Variants in SLC30A7 observed in about 807,000 individuals in gnomAD.
SLC30A7 encodes the protein zinc transporter 7.
In SLC30A7, 35 loss-of-function variants were observed where a neutral mutation model predicts 46.0. That is an observed-to-expected ratio of 0.76 (90% CI 0.58 to 1.01). SLC30A7 has a LOEUF of 1.01. Ranked by LOEUF, SLC30A7 falls within the 50% of genes least tolerant of loss-of-function variation. SLC30A7 has a pLI of 0.00. For synonymous variants in SLC30A7, 147 were observed against 157.8 expected, an observed-to-expected ratio of 0.93 and a Z score of 0.51; for missense variants, 464 against 451.1, an observed-to-expected ratio of 1.03 and a Z score of -0.26.
intron 5 of SLC30A7, 94 bp downstream of exon 5, chr1:100,912,332 C>T: frequency 7.4e-7 from 1 of 1,356,406 alleles, no homozygotes; most frequent in Non-Finnish European, 1.0e-6. Context: ...ATACTGATTT[C>T]TGATGTCAAC....
rs1656784784 is a variant in SLC30A7 at position 100,979,439 on chromosome 1, A to T, written c.*4582A>T. On this transcript the variant is annotated 3_prime_UTR_variant, in exon 11 of 11. Transcript: ENST00000357650. ...ATACAGTGAAAGATTATGTATCCAA[A>T]AAAAAAAAAAAAAAAAAAAGAAAAG... is the stretch of plus-strand genomic sequence containing the variant. 9.1e-6 allele frequency: 1 copy of T among 109,980 alleles called. No individual in the cohort carries two copies. Among genetic ancestry groups the T allele is most frequent in the South Asian group, 2.4e-4 (1 of 4,178 alleles). 6.8% of individuals were successfully genotyped at this position (109,980 alleles called of 1,614,324 possible). A position where few individuals can be genotyped will look rare whatever the true frequency, so the allele number is the denominator to read the frequency against.
intron 8 of SLC30A7, among the ~76,000 whole-genome samples, 198 bp from the exon 9 acceptor site, chr1:100,961,630 T>C (rs1259610961): frequency 2.0e-5 from 3 of 152,244 alleles, no homozygotes; most frequent in Admixed American, 2.0e-4. Context: ...ATACATTTTC[T>C]CTAGCTCTTT....
At chr1:100,982,771 G>T (rs926268191), downstream of SLC30A7, among the ~76,000 whole-genome samples, 5 of 152,144 alleles carry the variant, frequency 3.3e-5, no homozygotes, top group Admixed American at 3.3e-4. Context: ...TTTTGTCCAG[G>T]TGCTTTTGAA....
At position 100,944,178 on chromosome 1, in the gene SLC30A7, A is replaced by G. The variant is rs371355274; in HGVS notation, c.843-17650A>G. ...ATCCTCCTACTTCAGCCTCCCAAGTAGCTAGGACTACAGGTGCACACCACC... is the reference window on the plus strand; with the variant it reads ...ATCCTCCTACTTCAGCCTCCCAAGTGGCTAGGACTACAGGTGCACACCACC... On this transcript the variant is annotated intron_variant, in intron 8 of 10. Coordinates refer to ENST00000357650, the MANE Select transcript of SLC30A7 (RefSeq NM_133496.5). Among the ~76,000 whole-genome samples the G allele has an allele frequency of 1.2e-4, 19 of 152,278 alleles. 1 individual carries two copies. The highest frequency in any genetic ancestry group is 4.1e-4 in the African/African-American group (17 of 41,560).
intron 6 of SLC30A7, among the ~76,000 whole-genome samples, chr1:100,914,569 G>A (rs966371511): frequency 2.6e-5 from 4 of 152,028 alleles, no homozygotes; most frequent in Admixed American, 6.5e-5. Context: ...GCTAACTTAT[G>A]TAGCATTGGG....
At chr1:100,963,024 A>G (rs1315654731) in intron 9 of SLC30A7, among the ~76,000 whole-genome samples, 1 of 152,174 alleles carries the variant, frequency 6.6e-6, no homozygotes, top group Non-Finnish European at 1.5e-5. Context: ...ATCTCCCCAA[A>G]TGAAGAGTTC....
the SLC30A7 span, among the ~76,000 whole-genome samples, chr1:100,993,060 G>T: frequency 6.6e-5 from 10 of 152,140 alleles, no homozygotes; most frequent in Admixed American, 1.3e-4. Context: ...TGGCAATTTG[G>T]TCTATACTCT....
chr1:100,934,363 C>T (rs1653831234), intron 8 of SLC30A7, among the ~76,000 whole-genome samples: 1 of 152,058 alleles, frequency 6.6e-6, no homozygotes, highest in Non-Finnish European at 1.5e-5. Context: ...GACCTGAGAA[C>T]AGAGATTACT....
chr1:100,938,741 A>G (rs1654137135), intron 8 of SLC30A7, among the ~76,000 whole-genome samples: 1 of 152,214 alleles, frequency 6.6e-6, no homozygotes. Flanking sequence ...TACCTTTCCA[A>G]GGTCAGCAAG....
At position 100,963,555 on chromosome 1, in the gene SLC30A7, A is replaced by G. The variant is rs185533305; in HGVS notation, c.933+1637A>G. 7.8e-4 allele frequency among the ~76,000 whole-genome samples: 118 copies of G among 152,248 alleles called. 2 individuals carry two copies. Among genetic ancestry groups the G allele is most frequent in the Non-Finnish European group, 1.3e-3 (91 of 67,980 alleles). On this transcript the variant is annotated intron_variant, in intron 9 of 10. Coordinates refer to ENST00000357650, the MANE Select transcript of SLC30A7 (RefSeq NM_133496.5). ...AGAAGTGTTGTTAAAGGGGGCAGAG[A>G]AATGAGTTGATAGCGGATATGGATG...
downstream of SLC30A7, among the ~76,000 whole-genome samples, chr1:100,982,404 A>G (rs915003274): frequency 2.0e-5 from 3 of 152,210 alleles, no homozygotes; most frequent in Admixed American, 6.5e-5. Context: ...CAAGGCCATC[A>G]GTGGCTTCTC....
chr1:100,949,766 A>C (rs1404730993), intron 8 of SLC30A7, among the ~76,000 whole-genome samples: 1 of 152,210 alleles, frequency 6.6e-6, no homozygotes, highest in Non-Finnish European at 1.5e-5. Flanking sequence ...GGTCGATCTC[A>C]GACTGCTGCA....
At chr1:100,958,780 A>G (rs551571825) in intron 8 of SLC30A7, among the ~76,000 whole-genome samples, 1 of 152,372 alleles carries the variant, frequency 6.6e-6, no homozygotes, top group Admixed American at 6.5e-5. Context: ...CTGGGTTTAC[A>G]AACATAAATA....
intron 10 of SLC30A7, among the ~76,000 whole-genome samples, chr1:100,968,053 T>C (rs936427969): frequency 4.6e-5 from 7 of 152,208 alleles, no homozygotes; most frequent in African/African-American, 1.7e-4. Context: ...TAAAAAAAAT[T>C]ACATATAAAT....
At chr1:100,934,709 T>C (rs1161699257) in intron 8 of SLC30A7, among the ~76,000 whole-genome samples, 1 of 151,090 alleles carries the variant, frequency 6.6e-6, no homozygotes, top group Non-Finnish European at 1.5e-5. Context: ...TATGTAGGAA[T>C]GCTTGTGTAG....
intron 8 of SLC30A7, among the ~76,000 whole-genome samples, chr1:100,943,236 TC>T (rs1236741431): frequency 2.6e-5 from 4 of 152,124 alleles, no homozygotes; most frequent in Non-Finnish European, 5.9e-5. Flanking sequence ...AAACTGGGGA[TC>T]CCACAACCCC....
At chr1:100,968,873 T>A (rs937659227) in intron 10 of SLC30A7, among the ~76,000 whole-genome samples, 1 of 152,196 alleles carries the variant, frequency 6.6e-6, no homozygotes, top group Non-Finnish European at 1.5e-5. Context: ...TTTTAAAAAC[T>A]GTATTTGATT....
chr1:100,964,349 C>CAT (rs1553242385), intron 9 of SLC30A7, among the ~76,000 whole-genome samples: 1 of 107,954 alleles, frequency 9.3e-6, no homozygotes, highest in Non-Finnish European at 1.9e-5. Context: ...GTTATATATA[C>CAT]ATATACATAT....
At position 100,980,923 on chromosome 1, in the gene SLC30A7, A is replaced by G. The variant is rs934537986; in HGVS notation, c.*6066A>G. On this transcript the variant is annotated 3_prime_UTR_variant, in exon 11 of 11. Coordinates refer to ENST00000357650, the MANE Select transcript of SLC30A7 (RefSeq NM_133496.5). ...CTAATGTATTGTCATCCAAAATGAAAGAGGTCTTTCTTGAAGGTGCTTTAA... is the reference window on the plus strand; with the variant it reads ...CTAATGTATTGTCATCCAAAATGAAGGAGGTCTTTCTTGAAGGTGCTTTAA... 6.6e-6 allele frequency: 1 copy of G among 152,116 alleles called. No individual in the cohort carries two copies. The highest frequency in any genetic ancestry group is 1.5e-5 in the Non-Finnish European group (1 of 67,950). 9.4% of individuals were successfully genotyped at this position (152,116 alleles called of 1,614,324 possible). A position where few individuals can be genotyped will look rare whatever the true frequency, so the allele number is the denominator to read the frequency against.
Sources: gnomAD v4.1 joint callset for allele counts (sites outside exome capture counted in the v4.1 genomes callset) on GRCh38, gnomAD v4.1.1 for gene constraint, MANE v1.5 for transcripts, NCBI Gene and HGNC (gene_info 2026-07-23, HGNC 2026-07-21) for gene names.